KIRREL1: variants seen among roughly 807,000 people sequenced by gnomAD.
The protein encoded by KIRREL1 is kirre like nephrin family adhesion molecule 1.
A neutral mutation model predicts 83.3 loss-of-function variants in KIRREL1; 25 were observed. The observed-to-expected ratio is 0.30, with a 90% confidence interval of 0.22 to 0.42. The LOEUF is 0.42. Among genes scored for constraint, KIRREL1 ranks in the 10% least tolerant of loss-of-function variants. The probability of loss-of-function intolerance (pLI) is 1.00; values close to 1 mark genes in which losing one functional copy is unlikely to be tolerated. For synonymous variants in KIRREL1, 388 were observed against 410.4 expected (o/e 0.95, Z 0.66); for missense variants, 812 against 1,032.3 (o/e 0.79, Z 2.92).
At chr1:158,056,155 A>G (rs554303703) in intron 1 of KIRREL1, among the ~76,000 whole-genome samples, 3 of 152,176 alleles carry the variant, frequency 2.0e-5, no homozygotes, top group Non-Finnish European at 2.9e-5. Context: ...TTTCAGCCCA[A>G]ATGGGCAAAA....
chr1:158,035,809 T>G (rs901712755), intron 1 of KIRREL1, among the ~76,000 whole-genome samples: 3 of 152,148 alleles, frequency 2.0e-5, no homozygotes, highest in Non-Finnish European at 4.4e-5. Flanking sequence ...GATGTTTGGG[T>G]GATTTTAGCC....
intron 1 of KIRREL1, among the ~76,000 whole-genome samples, chr1:158,012,737 AGG>A (rs1350104339): frequency 5.9e-5 from 9 of 152,354 alleles, no homozygotes; most frequent in Non-Finnish European, 1.3e-4. Context: ...TATAGGGGCA[AGG>A]GCCTTCTTTG....
chr1:158,077,368 G>C (rs1217411650), intron 2 of KIRREL1, among the ~76,000 whole-genome samples: 1 of 152,214 alleles, frequency 6.6e-6, no homozygotes, highest in Non-Finnish European at 1.5e-5. Flanking sequence ...GAGATCATGG[G>C]AAGGAGCTGA....
chr1:158,093,916 C>T lies in KIRREL1; in HGVS notation c.1719+154C>T, dbSNP rs567127227. On this transcript the variant is annotated intron_variant, in intron 13 of 14. Coordinates refer to ENST00000359209, the MANE Select transcript of KIRREL1 (RefSeq NM_018240.7). ...ACTCTCCCACACTCACACACATTCTCTCACACACGCCCCAGGCTAGTTTCC... is the reference window on the plus strand; with the variant it reads ...ACTCTCCCACACTCACACACATTCTTTCACACACGCCCCAGGCTAGTTTCC... Among the ~76,000 whole-genome samples the T allele has an allele frequency of 2.0e-5, 3 of 152,344 alleles. No individual in the cohort carries two copies. The South Asian group carries it at 6.2e-4, about 32-fold the overall frequency.
chr1:158,084,625 C>T, intron 4 of KIRREL1, 46 bp downstream of exon 4: 1 of 1,534,070 alleles, frequency 6.5e-7, no homozygotes, highest in East Asian at 2.5e-5. Context: ...CCTAGCCCAG[C>T]TCACCTCTCC....
At chr1:158,039,108 C>T (rs1258961416) in intron 1 of KIRREL1, among the ~76,000 whole-genome samples, 1 of 152,186 alleles carries the variant, frequency 6.6e-6, no homozygotes, top group Non-Finnish European at 1.5e-5. Flanking sequence ...AGGTGACCGC[C>T]ATTATCCTTT....
chr1:158,021,122 G>A (rs920757928), intron 1 of KIRREL1, among the ~76,000 whole-genome samples: 5 of 152,086 alleles, frequency 3.3e-5, no homozygotes, highest in South Asian at 4.2e-4. Context: ...GAAGTATCTC[G>A]ACCAAAACCT....
At chr1:157,993,752 G>C (rs1340925465) in intron 1 of KIRREL1, 24 bp downstream of exon 1, 2 of 1,456,660 alleles carry the variant, frequency 1.4e-6, no homozygotes, top group East Asian at 3.0e-5. Flanking sequence ...GCCCACCCCC[G>C]GACGCTCGGC....
chr1:158,069,209 G>A (rs1214100600), intron 1 of KIRREL1, among the ~76,000 whole-genome samples: 1 of 152,150 alleles, frequency 6.6e-6, no homozygotes, highest in Non-Finnish European at 1.5e-5. Flanking sequence ...GTACTTGAAT[G>A]TGGGAGGGGT....
At chr1:158,042,954 G>C (rs985879866) in intron 1 of KIRREL1, among the ~76,000 whole-genome samples, 16 of 151,556 alleles carry the variant, frequency 1.1e-4, no homozygotes, top group African/African-American at 3.9e-4. Context: ...CGGGCGTGGT[G>C]GCAGGCACCT....
intron 1 of KIRREL1, among the ~76,000 whole-genome samples, chr1:158,007,569 C>G (rs1317324): frequency 6.6e-6 from 1 of 152,022 alleles, no homozygotes; most frequent in African/African-American, 2.4e-5. Context: ...CCCCCGACAC[C>G]TCAGGAGAGG....
intron 1 of KIRREL1, among the ~76,000 whole-genome samples, chr1:158,062,802 C>T (rs184956801): frequency 5.5e-4 from 84 of 152,376 alleles, no homozygotes; most frequent in African/African-American, 2.0e-3. Flanking sequence ...CAGGCTGACA[C>T]ACATGGCCCT....
At chr1:158,093,205 G>T in intron 11 of KIRREL1, 134 bp from the exon 12 acceptor site, 1 of 720,792 alleles carries the variant, frequency 1.4e-6, no homozygotes, top group East Asian at 2.5e-5. Flanking sequence ...CTGTCCCCAG[G>T]CTCAGTCAAA....
Position 158,096,571 on chromosome 1 carries a change from G to A in KIRREL1, c.*1451G>A, listed in dbSNP as rs1394793784. The A allele has an allele frequency of 6.6e-6, 3 of 457,042 alleles. No homozygotes were observed. The highest frequency in any genetic ancestry group is 4.4e-6 in the Non-Finnish European group (1 of 227,040). 28.3% of individuals were successfully genotyped at this position (457,042 alleles called of 1,614,324 possible). A position where few individuals can be genotyped will look rare whatever the true frequency, so the allele number is the denominator to read the frequency against. On this transcript the variant is annotated 3_prime_UTR_variant, in exon 15 of 15. Transcript: ENST00000359209. ...AGGTAAGGGGCCTGGAAATGGCCCT[G>A]ACAGAGAACTTGTGCTGACCGGGAG...
In KIRREL1 at chr1:158,068,906, C is replaced by G. The variant is rs143029701; in HGVS notation, c.53-7207C>G. On this transcript the variant is annotated intron_variant, in intron 1 of 14. Coordinates refer to ENST00000359209, the MANE Select transcript of KIRREL1 (RefSeq NM_018240.7). ...AGATTTAGTTCCATCTGAAAGCTGT[C>G]GGTGCGAATCAGAGGCTTCCCTTTG... Among the ~76,000 whole-genome samples the G allele has an allele frequency of 7.7e-3, 1,101 of 143,280 alleles. 10 individuals carry two copies. Among genetic ancestry groups the G allele is most frequent in the African/African-American group, 0.026 (1,051 of 40,544 alleles). The allele number at this position is 143,280 out of a possible 152,430, so 94.0% of individuals were successfully genotyped here.
chr1:158,003,132 G>GC (rs1365724619), intron 1 of KIRREL1, among the ~76,000 whole-genome samples: 1 of 151,944 alleles, frequency 6.6e-6, no homozygotes, highest in Non-Finnish European at 1.5e-5. Flanking sequence ...GAACAGCCCG[G>GC]GGCCTTGCTC....
At chr1:158,059,030 A>G (rs151188071) in intron 1 of KIRREL1, among the ~76,000 whole-genome samples, 401 of 152,254 alleles carry the variant, frequency 2.6e-3, no homozygotes, top group Non-Finnish European at 4.1e-3. Context: ...GCAGATAGGA[A>G]GTGTCTACAG....
intron 1 of KIRREL1, among the ~76,000 whole-genome samples, chr1:158,019,130 C>T (rs1194082459): frequency 6.6e-6 from 1 of 152,066 alleles, no homozygotes; most frequent in African/African-American, 2.4e-5. Context: ...CAGCCTATAG[C>T]GGACACGGAA....
In KIRREL1 at chr1:158,093,442, A is replaced by T. The variant is rs1445613921; in HGVS notation, c.1575A>T (p.Lys525Asn). Residue 525 changes from lysine to asparagine, a missense_variant, in exon 12 of 15, where the codon AAA becomes AAT. By Grantham distance (94) the Lys-to-Asn change is moderately conservative. Coordinates refer to ENST00000359209, the MANE Select transcript of KIRREL1 (RefSeq NM_018240.7). ...ALVFFLYRRR[K>N]GSRKDVTLRK... The stretch of plus-strand genomic sequence containing the variant: ...TATTCTTCCTCTACCGGCGCCGCAA[A>T]GGCAGTGAGTATGGGCCCTGTGCAG... The T allele has an allele frequency of 6.2e-7, 1 of 1,614,056 alleles. No individual in the cohort carries two copies.
Sources: allele counts gnomAD v4.1 joint callset (sites outside exome capture counted in the v4.1 genomes callset), GRCh38; gene constraint gnomAD v4.1.1; transcripts MANE v1.5; gene names NCBI Gene and HGNC (gene_info 2026-07-23, HGNC 2026-07-21).